Variants in CSMD1 observed in about 807,000 individuals in gnomAD.
The protein encoded by CSMD1 is CUB and Sushi multiple domains 1, also known as CUB and sushi domain-containing protein 1.
Under a neutral mutation model 417.5 loss-of-function variants are expected in CSMD1, and 213 were observed. The observed-to-expected ratio is 0.51, with a 90% CI of 0.46 to 0.57. The LOEUF is 0.57. Among genes scored for constraint, CSMD1 ranks in the 20% least tolerant of loss-of-function variants. CSMD1 has a pLI of 0.00. For missense variants in CSMD1, 6,923 were observed against 4,529.7 expected (o/e 1.53, Z -15.17); for synonymous variants, 2,862 against 1,736.8 (o/e 1.65, Z -16.11).
At chr8:3,284,033 A>G (rs10099968) in intron 26 of CSMD1, 111 bp downstream of exon 26, 715,799 of 925,672 alleles carry the variant, frequency 0.77, 279,274 homozygotes, top group Admixed American at 0.84. Flanking sequence ...AATTAGGCTC[A>G]ATAAATTGCA....
chr8:3,968,735 T>C (rs772532513), intron 5 of CSMD1, among the ~76,000 whole-genome samples: 22 of 152,252 alleles, frequency 1.4e-4, no homozygotes, highest in Admixed American at 6.5e-4. Flanking sequence ...GTAAATAGCA[T>C]TTAAGCAGCC....
chr8:3,005,780 T>C (rs538019717), intron 52 of CSMD1, among the ~76,000 whole-genome samples: 2,716 of 152,242 alleles, frequency 0.018, 83 homozygotes, highest in African/African-American at 0.061. Context: ...CTCAAAATAA[T>C]AAGAGCTATC....
intron 3 of CSMD1, among the ~76,000 whole-genome samples, chr8:4,046,900 A>C (rs1798176027): frequency 6.6e-6 from 1 of 152,110 alleles, no homozygotes; most frequent in African/African-American, 2.4e-5. Flanking sequence ...GCCATCTAAA[A>C]ATGGGCAGAG....
chr8:3,118,453 T>C lies in CSMD1; in HGVS notation c.6376A>G (p.Thr2126Ala), dbSNP rs769978792. ...GYILIGHPVL[T>A]CQHGINRNWN... Reference sequence around the variant, plus strand: ...TTTCTGTTGATCCCATGCTGACAAGTGAGGACAGGATGGCCTATTAGAATG... The same window carrying C: ...TTTCTGTTGATCCCATGCTGACAAGCGAGGACAGGATGGCCTATTAGAATG... The change falls in exon 42 of 70, where the codon ACT (threonine) becomes GCT (alanine). Residue 2126 changes from threonine to alanine, a missense_variant. Transcript: ENST00000635120. The C allele has an allele frequency of 4.3e-6, 7 of 1,613,704 alleles. No individual in the cohort carries two copies. The African/African-American group carries it at 9.3e-5, about 22-fold the overall frequency.
chr8:4,036,099 C>T (rs1281364360), intron 3 of CSMD1, among the ~76,000 whole-genome samples: 2 of 152,192 alleles, frequency 1.3e-5, no homozygotes, highest in South Asian at 2.1e-4. Flanking sequence ...TACAGGTTTG[C>T]ACTCTAGGAG....
chr8:4,037,201 T>A (rs892139061), intron 3 of CSMD1, among the ~76,000 whole-genome samples: 4 of 152,238 alleles, frequency 2.6e-5, no homozygotes, highest in Admixed American at 2.6e-4. Context: ...CTTTAATATT[T>A]AGAATTTTGT....
At chr8:4,122,040 A>T (rs1051780784) in intron 3 of CSMD1, among the ~76,000 whole-genome samples, 24 of 152,146 alleles carry the variant, frequency 1.6e-4, no homozygotes, top group African/African-American at 5.8e-4. Context: ...TTTATTGTAT[A>T]ACTACATGTT....
At chr8:3,718,226 T>C (rs1801952046) in intron 6 of CSMD1, among the ~76,000 whole-genome samples, 1 of 152,166 alleles carries the variant, frequency 6.6e-6, no homozygotes, top group South Asian at 2.1e-4. Context: ...CTGGAAACAG[T>C]TGTTGTCTTC....
At chr8:3,232,428 C>T (rs1442885002) in intron 26 of CSMD1, among the ~76,000 whole-genome samples, 2 of 152,174 alleles carry the variant, frequency 1.3e-5, no homozygotes, top group African/African-American at 4.8e-5. Context: ...CTGGTCTACT[C>T]ATTTTTATTG....
rs1433593020 is a variant in CSMD1 at position 4,787,495 on chromosome 8, C to A, written c.86-149937G>T. On this transcript the variant is annotated intron_variant, in intron 1 of 69. Transcript: ENST00000635120. Reference sequence around the variant, plus strand: ...AAGCTGCAATCTCAAAGAAAATCACCAGTTGTATTTTTCAGTTATTATAGG... The same window carrying A: ...AAGCTGCAATCTCAAAGAAAATCACAAGTTGTATTTTTCAGTTATTATAGG... 5.6e-6 allele frequency: 5 copies of A among 897,098 alleles called. No individual in the cohort carries two copies. The African/African-American group carries it at 8.2e-5, about 15-fold the overall frequency. The allele number at this position is 897,098 out of a possible 1,614,324, so 55.6% of individuals were successfully genotyped here.
intron 25 of CSMD1, among the ~76,000 whole-genome samples, chr8:3,304,430 G>A (rs1804655381): frequency 1.3e-5 from 2 of 151,990 alleles, no homozygotes; most frequent in Admixed American, 1.3e-4. Context: ...TCTAATTATG[G>A]TTTTGCCAGA....
At chr8:4,722,759 A>C (rs2116917079) in intron 1 of CSMD1, among the ~76,000 whole-genome samples, 1 of 152,306 alleles carries the variant, frequency 6.6e-6, no homozygotes, top group East Asian at 1.9e-4. Flanking sequence ...GGAAAATTAC[A>C]GTCACTTGAA....
chr8:4,265,725 G>T (rs148308368), intron 3 of CSMD1, among the ~76,000 whole-genome samples: 1,296 of 104,636 alleles, frequency 0.012, 451 homozygotes, highest in Middle Eastern at 0.035. Flanking sequence ...AACAGTTAAT[G>T]CAACATAAAA....
intron 7 of CSMD1, among the ~76,000 whole-genome samples, chr8:3,673,290 C>T (rs2624098): frequency 0.015 from 2,242 of 152,252 alleles, 50 homozygotes; most frequent in African/African-American, 0.051. Flanking sequence ...AAATCCGTAT[C>T]CTCTACAAGC....
intron 5 of CSMD1, among the ~76,000 whole-genome samples, chr8:3,936,619 G>C (rs1810518584): frequency 6.6e-6 from 1 of 152,128 alleles, no homozygotes; most frequent in South Asian, 2.1e-4. Context: ...CCACTGTTGA[G>C]ACGTACTGCT....
At chr8:4,805,080 A>G (rs895740994) in intron 1 of CSMD1, among the ~76,000 whole-genome samples, 4 of 152,224 alleles carry the variant, frequency 2.6e-5, no homozygotes, top group Non-Finnish European at 4.4e-5. Flanking sequence ...CAAGTACCCA[A>G]GTATCCAACT....
chr8:4,286,389 C>G (rs1367596085), intron 3 of CSMD1, among the ~76,000 whole-genome samples: 1 of 152,110 alleles, frequency 6.6e-6, no homozygotes, highest in African/African-American at 2.4e-5. Context: ...CAGTCCTTCA[C>G]CAAGGGCTTC....
chr8:4,101,613 G>A (rs1402951192), intron 3 of CSMD1, among the ~76,000 whole-genome samples: 1 of 152,178 alleles, frequency 6.6e-6, no homozygotes, highest in Non-Finnish European at 1.5e-5. Flanking sequence ...AAATGTAGGA[G>A]GACCTTCTGA....
intron 1 of CSMD1, among the ~76,000 whole-genome samples, chr8:4,826,044 A>T (rs997438336): frequency 2.0e-5 from 3 of 152,094 alleles, no homozygotes; most frequent in Admixed American, 6.6e-5. Context: ...ATTGAACATG[A>T]AACAGCACAG....
Sources: allele counts gnomAD v4.1 joint callset (sites outside exome capture counted in the v4.1 genomes callset), GRCh38; gene constraint gnomAD v4.1.1; transcripts MANE v1.5; gene names NCBI Gene and HGNC (gene_info 2026-07-23, HGNC 2026-07-21).